RILPL2: variants seen among roughly 807,000 people sequenced by gnomAD.
The protein encoded by RILPL2 is Rab interacting lysosomal protein like 2, also known as RILP-like protein 2.
Under a neutral mutation model 22.2 loss-of-function variants are expected in RILPL2, and 19 were observed. The observed-to-expected ratio is 0.86, with a 90% CI of 0.60 to 1.25. The LOEUF is 1.25. Among genes scored for constraint, RILPL2 ranks in the 50% most tolerant of loss-of-function variants. RILPL2 has a pLI of 0.00. For synonymous variants in RILPL2, 123 were observed against 111.6 expected (o/e 1.10, Z -0.64); for missense variants, 243 against 263.6 (o/e 0.92, Z 0.54).
intron 1 of RILPL2, among the ~76,000 whole-genome samples, chr12:123,435,447 T>G (rs953875423): frequency 6.6e-6 from 1 of 152,060 alleles, no homozygotes; most frequent in South Asian, 2.1e-4. Flanking sequence ...TTAGGTAAAA[T>G]GTGTTTCTTG....
At chr12:123,433,206 A>G (rs1323760241) in intron 1 of RILPL2, among the ~76,000 whole-genome samples, 2 of 151,422 alleles carry the variant, frequency 1.3e-5, no homozygotes, top group Non-Finnish European at 2.9e-5. Flanking sequence ...TCCCGGGTTC[A>G]AGCAATTCTC....
Position 123,431,653 on chromosome 12 carries a change from C to G in RILPL2, c.340-994G>C, listed in dbSNP as rs189074553. Among the ~76,000 whole-genome samples, 760 of 151,740 alleles carry G rather than the reference C, an allele frequency of 5.0e-3. 21 individuals are homozygous for G. Among genetic ancestry groups the G allele is most frequent in the Non-Finnish European group, 3.5e-3 (239 of 67,926 alleles). On this transcript the variant is annotated intron_variant, in intron 1 of 3. Transcript: ENST00000280571. ...CCTGGCTAACGCGGTGAAACCCCGT[C>G]TCTACTAAAAAAATACAAAAAAGTT...
intron 1 of RILPL2, among the ~76,000 whole-genome samples, chr12:123,435,235 A>C (rs946935238): frequency 2.0e-5 from 3 of 151,776 alleles, no homozygotes; most frequent in African/African-American, 7.3e-5. Flanking sequence ...CTTTCTCTCA[A>C]TGTTACATCT....
chr12:123,436,445 CGG>C lies in RILPL2; in HGVS notation c.-27_-26del. ...TGGCCACCCAGACCCCCGCCGACCT[CGG>C]AGCTGCTGTCTTGGAGTCTCCCAAA... On this transcript the variant is annotated 5_prime_UTR_variant, in exon 1 of 4. Coordinates refer to ENST00000280571, the MANE Select transcript of RILPL2 (RefSeq NM_145058.3). The surrounding 1 kb of genome is among the most constrained non-coding windows in gnomAD (Gnocchi z 6.7). 6.5e-7 allele frequency: 1 copy of C among 1,540,440 alleles called. No homozygotes were observed. Among genetic ancestry groups the C allele is most frequent in the Non-Finnish European group, 8.7e-7 (1 of 1,145,598 alleles).
intron 2 of RILPL2, among the ~76,000 whole-genome samples, chr12:123,424,195 C>T (rs1440765275): frequency 1.3e-5 from 2 of 152,076 alleles, no homozygotes; most frequent in Non-Finnish European, 2.9e-5. Context: ...TGTCTCTGAA[C>T]TGTTTTGTCT....
At chr12:123,430,408 C>CAA in intron 2 of RILPL2, 100 bp downstream of exon 2, 1 of 1,294,588 alleles carries the variant, frequency 7.7e-7, no homozygotes. Context: ...GACTCTGTCT[C>CAA]AAAAAAACAA....
At chr12:123,416,174 A>AT in intron 3 of RILPL2, among the ~76,000 whole-genome samples, 1 of 151,654 alleles carries the variant, frequency 6.6e-6, no homozygotes, top group African/African-American at 2.4e-5. Context: ...AAAAAAAAAA[A>AT]TTAACCAGGC....
intron 3 of RILPL2, 91 bp downstream of exon 3, chr12:123,422,953 G>A (rs1289988542): frequency 1.1e-6 from 1 of 887,162 alleles, no homozygotes; most frequent in Admixed American, 1.9e-5. Flanking sequence ...GGCCCTCCCT[G>A]CCCTGGGCAG....
rs1879080990 is a variant in RILPL2 at position 123,415,160 on chromosome 12, T to C, written c.*731A>G. ...GTTTCATTGATTCCTAAATGCATTT[T>C]GTTCACATCTTAACACCTCTGAAAT... On this transcript the variant is annotated 3_prime_UTR_variant, in exon 4 of 4. Transcript: ENST00000280571. 1 of 152,224 alleles carries C rather than the reference T, an allele frequency of 6.6e-6. No homozygotes were observed. The highest frequency in any genetic ancestry group is 2.1e-4 in the South Asian group (1 of 4,832). 9.4% of individuals were successfully genotyped at this position (152,224 alleles called of 1,614,324 possible). A position where few individuals can be genotyped will look rare whatever the true frequency, so the allele number is the denominator to read the frequency against.
chr12:123,423,202 C>CTTT (rs1555259803), intron 2 of RILPL2, 45 bp from the exon 3 acceptor site: 4 of 862,858 alleles, frequency 4.6e-6, no homozygotes, highest in East Asian at 2.9e-5. Flanking sequence ...TATTACAGAT[C>CTTT]GTTTTTTTTT....
intron 2 of RILPL2, among the ~76,000 whole-genome samples, chr12:123,424,523 G>C (rs1010467250): frequency 5.9e-5 from 9 of 151,990 alleles, no homozygotes; most frequent in African/African-American, 1.9e-4. Context: ...CAGAGACAGG[G>C]TTTCTCCATG....
chr12:123,428,303 A>AT (rs1176037080), intron 2 of RILPL2, among the ~76,000 whole-genome samples: 2 of 151,890 alleles, frequency 1.3e-5, no homozygotes, highest in African/African-American at 4.8e-5. Context: ...CGCCTGGCTA[A>AT]TTTTTTGTAT....
At chr12:123,420,684 A>T (rs1243620015) in intron 3 of RILPL2, among the ~76,000 whole-genome samples, 3 of 148,460 alleles carry the variant, frequency 2.0e-5, no homozygotes. Context: ...TGATCCTCCC[A>T]CCTCAGCCTC....
At chr12:123,421,856 C>T (rs556350129) in intron 3 of RILPL2, among the ~76,000 whole-genome samples, 41 of 151,574 alleles carry the variant, frequency 2.7e-4, no homozygotes, top group South Asian at 2.1e-3. Flanking sequence ...TTAGTAGAGA[C>T]GAGGTTTTGC....
At chr12:123,420,391 G>C (rs1422780112) in intron 3 of RILPL2, among the ~76,000 whole-genome samples, 1 of 151,312 alleles carries the variant, frequency 6.6e-6, no homozygotes, top group Admixed American at 6.6e-5. Flanking sequence ...CGCCCACCTC[G>C]GCCTCCCAAA....
chr12:123,430,603 G>C lies in RILPL2; in HGVS notation c.396C>G (p.Arg132=). 4 of 1,612,310 alleles carry C rather than the reference G, an allele frequency of 2.5e-6. No homozygotes were observed. Among genetic ancestry groups the C allele is most frequent in the Non-Finnish European group, 3.4e-6 (4 of 1,178,864 alleles). The stretch of plus-strand genomic sequence containing the variant: ...CATCCCTTAGCTCCTGCAGAGTGAA[G>C]CGGGGTCGGTTGGGATCTGTCAGGT... ...VVDLTDPNRP[R]FTLQELRDVL... is the part of the protein sequence containing the mutation. Residue 132 remains arginine (R), a synonymous_variant, in exon 2 of 4, where the codon CGC becomes CGG. Coordinates refer to ENST00000280571, the MANE Select transcript of RILPL2 (RefSeq NM_145058.3).
chr12:123,430,137 T>C lies in RILPL2; in HGVS notation c.491+371A>G, dbSNP rs1257480368. 2.5e-4 allele frequency among the ~76,000 whole-genome samples: 33 copies of C among 132,334 alleles called. No homozygotes were observed. In the East Asian group the frequency reaches 3.7e-3, roughly 15 times the overall value. 86.8% of individuals were successfully genotyped at this position (132,334 alleles called of 152,430 possible). A position where few individuals can be genotyped will look rare whatever the true frequency, so the allele number is the denominator to read the frequency against. On this transcript the variant is annotated intron_variant, in intron 2 of 3. Coordinates refer to ENST00000280571, the MANE Select transcript of RILPL2 (RefSeq NM_145058.3). Reference sequence around the variant, plus strand: ...AAAAAAAAAAAAAAAAAGCCAGGCTTGGTGGCTCATGCCTGTAATCCCGGC... The same window carrying C: ...AAAAAAAAAAAAAAAAAGCCAGGCTCGGTGGCTCATGCCTGTAATCCCGGC...
intron 2 of RILPL2, among the ~76,000 whole-genome samples, chr12:123,429,241 C>T (rs946615692): frequency 2.2e-4 from 33 of 152,060 alleles, no homozygotes; most frequent in African/African-American, 7.7e-4. Flanking sequence ...CCTCCCGCTT[C>T]AGGCTCCCTA....
chr12:123,414,791 T>A (rs1217541284), downstream of RILPL2: 1 of 150,750 alleles, frequency 6.6e-6, no homozygotes, highest in Non-Finnish European at 1.5e-5. Context: ...ATTAGACGAG[T>A]GTGGTGGCAA....
Sources: allele counts gnomAD v4.1 joint callset (sites outside exome capture counted in the v4.1 genomes callset), GRCh38; gene constraint gnomAD v4.1.1; non-coding constraint Gnocchi (gnomAD v3.1); transcripts MANE v1.5; gene names NCBI Gene and HGNC (gene_info 2026-07-23, HGNC 2026-07-21).